The following CBY1 variants were observed in gnomAD, a reference collection of about 807,000 sequenced individuals.
The protein encoded by CBY1 is protein chibby homolog 1.
In CBY1, 10 loss-of-function variants were observed where a neutral mutation model predicts 15.6. The ratio of observed to expected loss-of-function variants is 0.64; its 90% CI spans 0.40 to 1.09. CBY1 has a LOEUF of 1.09. Ranked by LOEUF, CBY1 falls within the 50% of genes least tolerant of loss-of-function variation. CBY1 has a pLI of 0.01. For synonymous variants in CBY1, 61 were observed against 63.5 expected, an observed-to-expected ratio of 0.96 and a Z score of 0.19; for missense variants, 150 against 160.5, an observed-to-expected ratio of 0.93 and a Z score of 0.35.
At chr22:38,665,577 A>G in intron 1 of CBY1, 1 of 432,926 alleles carries the variant, frequency 2.3e-6, no homozygotes, top group Admixed American at 4.4e-5. Flanking sequence ...TGAACAAACT[A>G]TAACTACACA....
Position 38,673,185 on chromosome 22 carries a change from C to A in CBY1, c.330C>A (p.His110Gln). 6.2e-7 allele frequency: 1 copy of A among 1,612,606 alleles called. No individual in the cohort carries two copies. Among genetic ancestry groups the A allele is most frequent in the African/African-American group, 1.3e-5 (1 of 74,982 alleles). The change falls in exon 5 of 5, where the codon CAC becomes CAA. Residue 110 changes from histidine (H) to glutamine (Q), a missense_variant. Transcript: ENST00000216029. The part of the protein sequence containing the change: ...DMLSESTAES[H>Q]LMEKELDELR... ...TTTCAGAGTCCACTGCTGAATCCCA[C>A]TTAATGGAGAAGGAACTGGATGAAC...
At chr22:38,670,394 C>CAA (rs781043682) in intron 2 of CBY1, 22 of 78,256 alleles carry the variant, frequency 2.8e-4, no homozygotes, top group African/African-American at 8.8e-4. Flanking sequence ...AACTCCGTCT[C>CAA]AAAAAAAAAA....
At chr22:38,661,140 G>A (rs943703146) in intron 1 of CBY1, among the ~76,000 whole-genome samples, 59 of 151,744 alleles carry the variant, frequency 3.9e-4, no homozygotes, top group African/African-American at 1.4e-3. Flanking sequence ...CTAAGTTGCT[G>A]GTCTATGATT....
At chr22:38,659,253 G>A (rs138216696) in intron 1 of CBY1, among the ~76,000 whole-genome samples, 1 of 150,670 alleles carries the variant, frequency 6.6e-6, no homozygotes, top group Non-Finnish European at 1.5e-5. Flanking sequence ...GGTTTTTTTT[G>A]TTTGTTTGTT....
intron 2 of CBY1, 103 bp downstream of exon 2, chr22:38,668,235 G>A: frequency 1.4e-6 from 1 of 728,296 alleles, no homozygotes; most frequent in Non-Finnish European, 2.5e-6. Context: ...AGTGCAGGAG[G>A]GCATCCTTTC....
intron 1 of CBY1, among the ~76,000 whole-genome samples, chr22:38,659,268 GT>G (rs1020650502): frequency 2.0e-5 from 3 of 148,308 alleles, no homozygotes; most frequent in African/African-American, 7.5e-5. Context: ...TTTGTTTTTT[GT>G]TTTTTTTTGA....
intron 1 of CBY1, among the ~76,000 whole-genome samples, chr22:38,657,712 G>C (rs980910159): frequency 6.6e-6 from 1 of 152,224 alleles, no homozygotes; most frequent in African/African-American, 2.4e-5. Context: ...AGCCCGAGAA[G>C]TAAAGCAGCT....
chr22:38,667,846 C>G (rs2092441402), intron 1 of CBY1, 171 bp from the exon 2 acceptor site: 3 of 590,342 alleles, frequency 5.1e-6, no homozygotes, highest in Non-Finnish European at 9.1e-6. Context: ...ACCCCTTATA[C>G]TGTTAAACAA....
At chr22:38,658,455 CTTTAT>C (rs1249574623) in intron 1 of CBY1, among the ~76,000 whole-genome samples, 1 of 143,016 alleles carries the variant, frequency 7.0e-6, no homozygotes, top group Non-Finnish European at 1.5e-5. Context: ...ACATATATTA[CTTTAT>C]TTTATTTTAT....
At chr22:38,660,804 C>CT (rs1423157869) in intron 1 of CBY1, among the ~76,000 whole-genome samples, 1 of 34 alleles carries the variant, frequency 0.029, no homozygotes, top group African/African-American at 0.25. Context: ...ATGACACGAT[C>CT]TCCCTCACCG....
Position 38,657,083 on chromosome 22 carries a change from CGT to C in CBY1, c.-39+334_-39+335del. The stretch of plus-strand genomic sequence containing the variant: ...CTACCTCTGAACTCCTTGGGGGACA[CGT>C]ATATCTTTGAGAATCCGATGAAAAC... On this transcript the variant is annotated intron_variant, in intron 1 of 4. Coordinates refer to ENST00000216029, the MANE Select transcript of CBY1 (RefSeq NM_015373.4). 6 of 978,524 alleles carry C rather than the reference CGT, an allele frequency of 6.1e-6. No homozygotes were observed. The South Asian group carries it at 2.4e-4, about 39-fold the overall frequency. The allele number at this position is 978,524 out of a possible 1,614,324, so 60.6% of individuals were successfully genotyped here.
At chr22:38,663,230 G>T (rs894004667) in intron 1 of CBY1, among the ~76,000 whole-genome samples, 3 of 152,124 alleles carry the variant, frequency 2.0e-5, no homozygotes. Context: ...GCCGAGGCAG[G>T]TGGATCACGA....
chr22:38,667,413 A>AC (rs930044179), intron 1 of CBY1, among the ~76,000 whole-genome samples: 1 of 151,472 alleles, frequency 6.6e-6, no homozygotes, highest in Non-Finnish European at 1.5e-5. Context: ...GGCTCCAGCG[A>AC]CCCCCCAGCC....
At chr22:38,665,536 T>C in intron 1 of CBY1, 1 of 403,398 alleles carries the variant, frequency 2.5e-6, no homozygotes, top group Non-Finnish European at 4.3e-6. Context: ...TTGCTGTGTT[T>C]ATACAATAGA....
chr22:38,659,861 CAAAAAAAAAAAA>C (rs71197126), intron 1 of CBY1, among the ~76,000 whole-genome samples: 1 of 68,380 alleles, frequency 1.5e-5, no homozygotes, highest in Non-Finnish European at 2.8e-5. Context: ...GACTCTGTCT[CAAAAAAAAAAAA>C]AAAAAAAAAG....
chr22:38,672,697 C>T (rs1401835770), intron 4 of CBY1, among the ~76,000 whole-genome samples: 2 of 151,880 alleles, frequency 1.3e-5, no homozygotes, highest in African/African-American at 4.8e-5. Context: ...CCAGCCTGGC[C>T]GACAGAGCGA....
intron 1 of CBY1, among the ~76,000 whole-genome samples, chr22:38,663,775 A>C (rs1329241301): frequency 1.3e-5 from 2 of 151,472 alleles, no homozygotes; most frequent in African/African-American, 4.9e-5. Context: ...TAATTCCAGC[A>C]CTTTAGGAGG....
At chr22:38,663,250 A>AT (rs1603115272) in intron 1 of CBY1, among the ~76,000 whole-genome samples, 1 of 151,860 alleles carries the variant, frequency 6.6e-6, no homozygotes, top group East Asian at 1.9e-4. Flanking sequence ...AGGTCAAGAG[A>AT]TTGAGACCAT....
At chr22:38,658,722 C>T (rs1378291884) in intron 1 of CBY1, among the ~76,000 whole-genome samples, 1 of 152,036 alleles carries the variant, frequency 6.6e-6, no homozygotes, top group Non-Finnish European at 1.5e-5. Flanking sequence ...GTGATCCGCC[C>T]GCCTCGGCCT....
Sources: allele counts gnomAD v4.1 joint callset (sites outside exome capture counted in the v4.1 genomes callset), GRCh38; gene constraint gnomAD v4.1.1; transcripts MANE v1.5; gene names NCBI Gene and HGNC (gene_info 2026-07-23, HGNC 2026-07-21).